Variants in GPATCH2 observed in about 807,000 individuals in gnomAD.
The protein encoded by GPATCH2 is G patch domain-containing protein 2.
In GPATCH2, 51 loss-of-function variants were observed where a neutral mutation model predicts 58.0. That is an observed-to-expected ratio of 0.88 (90% CI 0.70 to 1.11). The LOEUF is 1.11. Ranked by LOEUF, GPATCH2 falls within the 50% of genes most tolerant of loss-of-function variation. GPATCH2 has a pLI of 0.00. For synonymous variants in GPATCH2, 222 were observed against 218.5 expected (o/e 1.02, Z -0.14); for missense variants, 625 against 652.2 (o/e 0.96, Z 0.45).
intron 5 of GPATCH2, among the ~76,000 whole-genome samples, chr1:217,572,051 G>C (rs537806777): frequency 1.3e-5 from 2 of 151,460 alleles, no homozygotes; most frequent in Middle Eastern, 3.4e-3. Context: ...GGAGGGAGAG[G>C]GAGAGAAATT....
intron 8 of GPATCH2, among the ~76,000 whole-genome samples, chr1:217,469,322 A>G (rs1343226594): frequency 1.3e-5 from 2 of 152,138 alleles, no homozygotes; most frequent in African/African-American, 2.4e-5. Flanking sequence ...AAATATCAAC[A>G]TCTGTTGAAT....
At chr1:217,560,587 A>G (rs906637106) in intron 5 of GPATCH2, among the ~76,000 whole-genome samples, 1 of 152,214 alleles carries the variant, frequency 6.6e-6, no homozygotes, top group Non-Finnish European at 1.5e-5. Flanking sequence ...TGAATATGCA[A>G]ACTTCAAACA....
chr1:217,544,456 G>A (rs1424026031), intron 5 of GPATCH2, among the ~76,000 whole-genome samples: 2 of 152,094 alleles, frequency 1.3e-5, no homozygotes, highest in Non-Finnish European at 2.9e-5. Context: ...CCAACCCAGA[G>A]GCCAACATTC....
intron 8 of GPATCH2, among the ~76,000 whole-genome samples, chr1:217,454,775 A>G (rs1659865899): frequency 6.7e-6 from 1 of 149,990 alleles, no homozygotes; most frequent in African/African-American, 2.5e-5. Flanking sequence ...CTGGGACTAC[A>G]GGTGCACACC....
intron 5 of GPATCH2, among the ~76,000 whole-genome samples, chr1:217,519,502 A>G (rs1357251821): frequency 6.6e-6 from 1 of 152,194 alleles, no homozygotes; most frequent in Non-Finnish European, 1.5e-5. Flanking sequence ...CTGATTTAAG[A>G]GGAATAAAGA....
chr1:217,591,732 T>C lies in GPATCH2; in HGVS notation c.1098+18589A>G, dbSNP rs557096497. ...ATGAACTCTGTATTAACCAATTCTATAAGATAACTAGAAGAAATCACCGAA... is the reference window on the plus strand; with the variant it reads ...ATGAACTCTGTATTAACCAATTCTACAAGATAACTAGAAGAAATCACCGAA... On this transcript the variant is annotated intron_variant, in intron 5 of 9. Coordinates refer to ENST00000366935, the MANE Select transcript of GPATCH2 (RefSeq NM_018040.5). 2.0e-5 allele frequency among the ~76,000 whole-genome samples: 3 copies of C among 152,202 alleles called. No homozygotes were observed. In the Middle Eastern group the frequency reaches 0.01, roughly 518 times the overall value.
intron 1 of GPATCH2, among the ~76,000 whole-genome samples, chr1:217,621,793 A>G (rs1021756831): frequency 2.6e-5 from 4 of 152,220 alleles, no homozygotes; most frequent in Non-Finnish European, 5.9e-5. Flanking sequence ...AAAACAACAC[A>G]CATTGTGATT....
intron 5 of GPATCH2, among the ~76,000 whole-genome samples, chr1:217,548,359 C>T (rs1027638744): frequency 6.6e-6 from 1 of 152,134 alleles, no homozygotes; most frequent in African/African-American, 2.4e-5. Flanking sequence ...ATATTCATGA[C>T]ACAAGTTTAC....
intron 3 of GPATCH2, 93 bp downstream of exon 3, chr1:217,614,048 T>C (rs1668764471): frequency 5.2e-6 from 4 of 769,618 alleles, no homozygotes; most frequent in African/African-American, 1.7e-5. Flanking sequence ...GGTAAATGGA[T>C]TGCAGTCATC....
intron 7 of GPATCH2, among the ~76,000 whole-genome samples, chr1:217,496,199 A>G (rs1661999178): frequency 6.6e-6 from 1 of 152,220 alleles, no homozygotes; most frequent in Admixed American, 6.5e-5. Flanking sequence ...ACATACATGT[A>G]CAATTCATTG....
intron 5 of GPATCH2, among the ~76,000 whole-genome samples, chr1:217,559,884 G>A (rs1665834746): frequency 6.6e-6 from 1 of 151,964 alleles, no homozygotes; most frequent in Non-Finnish European, 1.5e-5. Context: ...GAGAGAGAGA[G>A]AGAGAGAGAG....
At chr1:217,529,272 C>T (rs1482568090) in intron 5 of GPATCH2, among the ~76,000 whole-genome samples, 1 of 152,074 alleles carries the variant, frequency 6.6e-6, no homozygotes, top group Non-Finnish European at 1.5e-5. Flanking sequence ...TTTGTTTTGT[C>T]CCCACCAAAA....
chr1:217,611,368 C>T (rs142283225), intron 3 of GPATCH2, among the ~76,000 whole-genome samples: 272 of 143,274 alleles, frequency 1.9e-3, no homozygotes, highest in African/African-American at 6.1e-3. Context: ...ATAAGGAAAA[C>T]TTTTTATTTT....
rs764196465 is a variant in GPATCH2, at chr1:217,502,652, T to C, written c.1167-4257A>G. Among the ~76,000 whole-genome samples, 21 of 152,208 alleles carry C rather than the reference T, an allele frequency of 1.4e-4. No individual in the cohort carries two copies. In the East Asian group the frequency reaches 2.9e-3, roughly 21 times the overall value. The stretch of plus-strand genomic sequence containing the variant: ...AAGTCTTTCCTCAAATATCTGGTGA[T>C]CTTTACTTATCTATTCAATATTTAA... On this transcript the variant is annotated intron_variant, in intron 6 of 9. Transcript: ENST00000366935.
At chr1:217,597,765 T>C (rs1667912288) in intron 5 of GPATCH2, among the ~76,000 whole-genome samples, 1 of 152,170 alleles carries the variant, frequency 6.6e-6, no homozygotes, top group South Asian at 2.1e-4. Context: ...ATAACAAGAA[T>C]GTTGGCTAGT....
intron 5 of GPATCH2, among the ~76,000 whole-genome samples, chr1:217,515,898 CAT>C (rs1663119281): frequency 1.3e-5 from 2 of 151,674 alleles, no homozygotes; most frequent in South Asian, 4.1e-4. Flanking sequence ...TATTATAACA[CAT>C]ACATTTAAAT....
chr1:217,433,516 C>T (rs896845039), intron 9 of GPATCH2, among the ~76,000 whole-genome samples: 2 of 151,760 alleles, frequency 1.3e-5, no homozygotes, highest in Admixed American at 1.3e-4. Flanking sequence ...TATGCCTCAG[C>T]CTCCCGAGTA....
At chr1:217,480,567 T>A (rs554756879) in intron 8 of GPATCH2, among the ~76,000 whole-genome samples, 1 of 152,286 alleles carries the variant, frequency 6.6e-6, no homozygotes, top group South Asian at 2.1e-4. Flanking sequence ...ACAACCACTA[T>A]GGAGAACAAT....
At chr1:217,585,811 T>A (rs907241316) in intron 5 of GPATCH2, among the ~76,000 whole-genome samples, 1 of 152,082 alleles carries the variant, frequency 6.6e-6, no homozygotes, top group Non-Finnish European at 1.5e-5. Flanking sequence ...CACACAAACA[T>A]CGTAGAGTAT....
Sources: gnomAD v4.1 joint callset for allele counts (sites outside exome capture counted in the v4.1 genomes callset) on GRCh38, gnomAD v4.1.1 for gene constraint, MANE v1.5 for transcripts, NCBI Gene and HGNC (gene_info 2026-07-23, HGNC 2026-07-21) for gene names.